ASTN2: variants seen among roughly 807,000 people sequenced by gnomAD.
The protein encoded by ASTN2 is astrotactin-2.
In ASTN2, 54 loss-of-function variants were observed where a neutral mutation model predicts 139.8. The ratio of observed to expected loss-of-function variants is 0.39; its 90% CI spans 0.31 to 0.48. The LOEUF is 0.48. Ranked by LOEUF, ASTN2 falls within the 20% of genes least tolerant of loss-of-function variation. The pLI is 0.95. For missense variants in ASTN2, 1,565 were observed against 1,725.1 expected, an observed-to-expected ratio of 0.91 and a Z score of 1.64; for synonymous variants, 756 against 719.5, an observed-to-expected ratio of 1.05 and a Z score of -0.81.
At chr9:116,438,634 T>C (rs1847732982) in intron 22 of ASTN2, among the ~76,000 whole-genome samples, 1 of 152,308 alleles carries the variant, frequency 6.6e-6, no homozygotes, top group Non-Finnish European at 1.5e-5. Context: ...TCTCTTCCCC[T>C]CTTTCAGGTT....
chr9:116,689,415 A>AT (rs1283143545), intron 16 of ASTN2, among the ~76,000 whole-genome samples: 1 of 152,170 alleles, frequency 6.6e-6, no homozygotes, highest in African/African-American at 2.4e-5. Flanking sequence ...AAATCTAGTA[A>AT]TTTTTAGTCT....
In ASTN2 at chr9:116,699,248, A is replaced by G; in HGVS notation, c.2806+26523T>C. 6.2e-7 allele frequency: 1 copy of G among 1,614,232 alleles called. No individual in the cohort carries two copies. Among genetic ancestry groups the G allele is most frequent in the African/African-American group, 1.3e-5 (1 of 75,064 alleles). ...GGTGTTTCACAGTTGATCGAGGATC[A>G]GGGGTGGTCAAATACAGCTGCCTAT... On this transcript the variant is annotated intron_variant, in intron 16 of 22. Coordinates refer to ENST00000313400, the MANE Select transcript of ASTN2 (RefSeq NM_001365068.1). The surrounding 1 kb of genome is among the most constrained non-coding windows in gnomAD (Gnocchi z 4.2).
intron 1 of ASTN2, among the ~76,000 whole-genome samples, chr9:117,315,277 T>C (rs1828108441): frequency 1.3e-5 from 2 of 152,224 alleles, no homozygotes; most frequent in African/African-American, 2.4e-5. Context: ...AAGAAGGTCT[T>C]ATGTAATTCT....
Position 116,698,926 on chromosome 9 carries a change from T to C in ASTN2, c.2806+26845A>G. On this transcript the variant is annotated intron_variant, in intron 16 of 22. Coordinates refer to ENST00000313400, the MANE Select transcript of ASTN2 (RefSeq NM_001365068.1). The surrounding 1 kb of genome is among the most constrained non-coding windows in gnomAD (Gnocchi z 4.4). ...GTCGCTGACCGTGGTAACTATCGTA[T>C]ACAAGTCTTTACCCGCAAAGGCTTT... 1 of 1,614,224 alleles carries C rather than the reference T, an allele frequency of 6.2e-7. No homozygotes were observed. The highest frequency in any genetic ancestry group is 8.5e-7 in the Non-Finnish European group (1 of 1,180,042).
Position 117,224,259 on chromosome 9 carries a change from C to G in ASTN2, c.631-9517G>C, listed in dbSNP as rs114215239. Among the ~76,000 whole-genome samples, 727 of 152,310 alleles carry G rather than the reference C, an allele frequency of 4.8e-3. 4 individuals are homozygous for G. The highest frequency in any genetic ancestry group is 0.016 in the African/African-American group (682 of 41,570). The stretch of plus-strand genomic sequence containing the variant: ...AAGTCACTTGAGTTTCTTCAGTTCT[C>G]TCATCTGTGAATTGGGTTACTAACA... On this transcript the variant is annotated intron_variant, in intron 2 of 22. Coordinates refer to ENST00000313400, the MANE Select transcript of ASTN2 (RefSeq NM_001365068.1).
chr9:116,575,308 A>G (rs1476329451), intron 19 of ASTN2, among the ~76,000 whole-genome samples: 8 of 152,132 alleles, frequency 5.3e-5, no homozygotes, highest in East Asian at 1.9e-4. Flanking sequence ...AAAAAAAGAA[A>G]GAAAAATTCA....
At chr9:117,071,405 T>C (rs1370491005) in intron 5 of ASTN2, among the ~76,000 whole-genome samples, 4 of 151,348 alleles carry the variant, frequency 2.6e-5, no homozygotes, top group South Asian at 2.1e-4. Context: ...GAACCACTGC[T>C]CCCTTCAAAG....
intron 10 of ASTN2, among the ~76,000 whole-genome samples, chr9:116,867,613 C>T (rs1325412854): frequency 7.2e-6 from 1 of 138,754 alleles, no homozygotes; most frequent in African/African-American, 2.7e-5. Context: ...AGACAGACAA[C>T]AACAAAGAAA....
intron 10 of ASTN2, among the ~76,000 whole-genome samples, chr9:116,938,047 G>T (rs528923457): frequency 6.6e-6 from 1 of 152,168 alleles, no homozygotes; most frequent in Admixed American, 6.5e-5. Context: ...ACAAGCACGC[G>T]AGGTTTAAGT....
At chr9:116,776,489 C>T (rs992298297) in intron 13 of ASTN2, among the ~76,000 whole-genome samples, 2 of 152,156 alleles carry the variant, frequency 1.3e-5, no homozygotes, top group Admixed American at 1.3e-4. Flanking sequence ...CAAGTGTCCG[C>T]GCTTGAAACC....
rs558455974 is a variant in ASTN2 at position 116,751,024 on chromosome 9, A to G, written c.2397-17501T>C. Among the ~76,000 whole-genome samples, 23 of 152,344 alleles carry G rather than the reference A, an allele frequency of 1.5e-4. No homozygotes were observed. The South Asian group carries it at 4.6e-3, about 30-fold the overall frequency. ...TGGTTATGTTGCCATATGCAATCATACAGTCATGCTGAGCCTCAGGTTTGT... is the reference window on the plus strand; with the variant it reads ...TGGTTATGTTGCCATATGCAATCATGCAGTCATGCTGAGCCTCAGGTTTGT... On this transcript the variant is annotated intron_variant, in intron 13 of 22. Coordinates refer to ENST00000313400, the MANE Select transcript of ASTN2 (RefSeq NM_001365068.1).
chr9:116,477,946 A>G (rs1849041404), intron 20 of ASTN2, among the ~76,000 whole-genome samples: 1 of 151,442 alleles, frequency 6.6e-6, no homozygotes, highest in Admixed American at 6.6e-5. Flanking sequence ...AGTAGTGTCC[A>G]TGACCAAGAA....
chr9:116,895,741 C>T (rs1234416849), intron 10 of ASTN2, among the ~76,000 whole-genome samples: 1 of 152,142 alleles, frequency 6.6e-6, no homozygotes, highest in African/African-American at 2.4e-5. Flanking sequence ...GTGAACTGAA[C>T]ATCAACATTT....
intron 19 of ASTN2, among the ~76,000 whole-genome samples, chr9:116,497,166 A>G (rs141261169): frequency 4.0e-4 from 61 of 152,342 alleles, no homozygotes; most frequent in African/African-American, 1.4e-3. Flanking sequence ...CTGAGTGTGC[A>G]CAGAGCTGCT....
intron 16 of ASTN2, chr9:116,697,388 A>G (rs1860916207): frequency 3.3e-6 from 1 of 306,502 alleles, no homozygotes; most frequent in Non-Finnish European, 6.3e-6. Context: ...TGATGGGGAA[A>G]GAGCTTTTGG....
chr9:117,354,280 GC>G (rs1829474663), intron 1 of ASTN2, among the ~76,000 whole-genome samples: 1 of 151,958 alleles, frequency 6.6e-6, no homozygotes, highest in Non-Finnish European at 1.5e-5. Flanking sequence ...GGCAGATGAG[GC>G]CCCTCATCAT....
At chr9:116,669,230 T>A (rs1859046111) in intron 16 of ASTN2, among the ~76,000 whole-genome samples, 1 of 152,220 alleles carries the variant, frequency 6.6e-6, no homozygotes, top group Admixed American at 6.5e-5. Context: ...AATTTCTGCA[T>A]AAATCACCCC....
At chr9:117,371,688 C>T (rs571327875) in intron 1 of ASTN2, among the ~76,000 whole-genome samples, 1 of 152,072 alleles carries the variant, frequency 6.6e-6, no homozygotes, top group Non-Finnish European at 1.5e-5. Flanking sequence ...ATACCTGAAG[C>T]ACTTAGTGTC....
chr9:116,595,998 T>C (rs138157237), intron 19 of ASTN2, among the ~76,000 whole-genome samples: 23 of 152,312 alleles, frequency 1.5e-4, no homozygotes, highest in African/African-American at 5.5e-4. Flanking sequence ...TGCAGCATTA[T>C]ACACAGTAGC....
Sources: gnomAD v4.1 joint callset for allele counts (sites outside exome capture counted in the v4.1 genomes callset) on GRCh38, gnomAD v4.1.1 for gene constraint, Gnocchi (gnomAD v3.1) non-coding constraint, MANE v1.5 for transcripts, NCBI Gene and HGNC (gene_info 2026-07-23, HGNC 2026-07-21) for gene names.